Variants in FBXO22 observed in about 807,000 individuals in gnomAD.
FBXO22 encodes F-box protein 22.
In FBXO22, 13 loss-of-function variants were observed where a neutral mutation model predicts 37.2. The ratio of observed to expected loss-of-function variants is 0.35; its 90% CI spans 0.23 to 0.56. The LOEUF (loss-of-function observed/expected upper bound fraction) is 0.56, where lower values mean the gene tolerates loss of function less well. FBXO22 is among the 20% of genes least tolerant of loss of function. The pLI is 0.87. For missense variants in FBXO22, 446 were observed against 509.9 expected, an observed-to-expected ratio of 0.87 and a Z score of 1.21; for synonymous variants, 189 against 189.1, an observed-to-expected ratio of 1.00 and a Z score of 0.00.
chr15:75,912,555 A>G (rs976593606), intron 2 of FBXO22, among the ~76,000 whole-genome samples: 3 of 152,124 alleles, frequency 2.0e-5, no homozygotes, highest in Non-Finnish European at 4.4e-5. Flanking sequence ...GTTTATTTGC[A>G]TAGAGGTGTT....
chr15:75,904,826 C>CTTTTT (rs3991408), intron 2 of FBXO22, among the ~76,000 whole-genome samples, 197 bp downstream of exon 2: 5 of 136,116 alleles, frequency 3.7e-5, no homozygotes, highest in Non-Finnish European at 6.2e-5. Flanking sequence ...AATGTTGGGC[C>CTTTTT]TTTTTTTTTT....
Position 75,904,616 on chromosome 15 carries a change from C to A in FBXO22, c.266C>A (p.Ala89Glu). Residue 89 changes from alanine to glutamate, a missense_variant, in exon 2 of 7, where the codon GCA becomes GAA. Ala to Glu is a moderately radical substitution (Grantham distance 107). Coordinates refer to ENST00000308275, the MANE Select transcript of FBXO22 (RefSeq NM_147188.3). ...GGGCATTGCTTGGTTCGCGTGGTAG[C>A]AGAGGAGCTTGAGGCAAGTAGCAAG... ...LEGHCLVRVVAEELENVRILP... is the reference protein window; with the variant it reads ...LEGHCLVRVVEEELENVRILP... 1 of 1,608,608 alleles carries A rather than the reference C, an allele frequency of 6.2e-7. No individual in the cohort carries two copies. Among genetic ancestry groups the A allele is most frequent in the Admixed American group, 1.7e-5 (1 of 59,378 alleles).
intron 6 of FBXO22, 123 bp downstream of exon 6, chr15:75,930,172 A>AT (rs1467733591): frequency 7.8e-6 from 12 of 1,529,422 alleles, no homozygotes; most frequent in Non-Finnish European, 9.7e-6. Context: ...AGTTCATTCC[A>AT]TTTTGTAGTA....
chr15:75,904,175 G>A (rs563093265), intron 1 of FBXO22, 72 bp downstream of exon 1: 12 of 1,465,850 alleles, frequency 8.2e-6, no homozygotes, highest in African/African-American at 4.2e-5. Context: ...CTGGCGGGGT[G>A]GGGGGAGAGA....
chr15:75,913,402 C>T (rs1421167849), intron 3 of FBXO22, 112 bp downstream of exon 3: 1 of 675,758 alleles, frequency 1.5e-6, no homozygotes, highest in East Asian at 2.7e-5. Flanking sequence ...GGCTCTGGGA[C>T]TGCCACCTGT....
At chr15:75,927,552 G>A (rs1208776072) in intron 5 of FBXO22, among the ~76,000 whole-genome samples, 1 of 152,096 alleles carries the variant, frequency 6.6e-6, no homozygotes, top group Non-Finnish European at 1.5e-5. Context: ...TAAAACTCTA[G>A]ACTTGATCTC....
At chr15:75,930,941 G>C in intron 6 of FBXO22, 1 of 838,448 alleles carries the variant, frequency 1.2e-6, no homozygotes, top group Non-Finnish European at 1.4e-6. Flanking sequence ...GCTAGATCTG[G>C]GAAAATAGCT....
rs370981926 is a variant in FBXO22 at position 75,941,962 on chromosome 15, T to C, written c.*8860T>C. 24 of 38,806 alleles carry C rather than the reference T, an allele frequency of 6.2e-4. No homozygotes were observed. The highest frequency in any genetic ancestry group is 1.5e-3 in the African/African-American group (18 of 11,914). The allele number at this position is 38,806 out of a possible 1,614,324, so 2.4% of individuals were successfully genotyped here. On this transcript the variant is annotated 3_prime_UTR_variant, in exon 7 of 7. Coordinates refer to ENST00000308275, the MANE Select transcript of FBXO22 (RefSeq NM_147188.3). ...CACCAAAAAAAAAAAAAAAAAAAAA[T>C]ATGGCCTAGCTTTTTTTTTTTTTTT... is the stretch of plus-strand genomic sequence containing the variant.
intron 5 of FBXO22, 109 bp downstream of exon 5, chr15:75,917,503 T>A: frequency 2.7e-6 from 2 of 739,114 alleles, no homozygotes; most frequent in Non-Finnish European, 4.3e-6. Context: ...GAATCTGAAT[T>A]AAGTACACCT....
Position 75,940,526 on chromosome 15 carries a change from T to G in FBXO22, c.*7424T>G, listed in dbSNP as rs1423979140. 1 of 149,900 alleles carries G rather than the reference T, an allele frequency of 6.7e-6. No individual in the cohort carries two copies. Among genetic ancestry groups the G allele is most frequent in the East Asian group, 1.9e-4 (1 of 5,130 alleles). The allele number at this position is 149,900 out of a possible 1,614,324, so 9.3% of individuals were successfully genotyped here. ...ATGTGGAATCTGAAGGGATCCCAAA[T>G]AGCCAAGTCAGTCTTGAGAAAGAAG... is the stretch of plus-strand genomic sequence containing the variant. On this transcript the variant is annotated 3_prime_UTR_variant, in exon 7 of 7. Transcript: ENST00000308275.
rs150713293 is a variant in FBXO22 at position 75,921,805 on chromosome 15, C to T, written c.628+4411C>T. ...AAGCTTTTTGTTAAAAACTAAAACA[C>T]AGTCACACACATTAGCCTAGGCCTA... On this transcript the variant is annotated intron_variant, in intron 5 of 6. Coordinates refer to ENST00000308275, the MANE Select transcript of FBXO22 (RefSeq NM_147188.3). Among the ~76,000 whole-genome samples the T allele has an allele frequency of 3.7e-3, 563 of 151,928 alleles. 2 individuals carry two copies. Among genetic ancestry groups the T allele is most frequent in the Non-Finnish European group, 4.5e-3 (303 of 67,996 alleles).
intron 6 of FBXO22, chr15:75,930,874 C>T: frequency 1.0e-6 from 1 of 979,348 alleles, no homozygotes; most frequent in Non-Finnish European, 1.2e-6. Context: ...AGATCAGTAT[C>T]TATAAGAATA....
rs1489792181 is a variant in FBXO22 at position 75,933,188 on chromosome 15, A to G, written c.*86A>G. The G allele has an allele frequency of 1.7e-6, 2 of 1,147,942 alleles. No homozygotes were observed. Among genetic ancestry groups the G allele is most frequent in the Non-Finnish European group, 2.5e-6 (2 of 809,912 alleles). 71.1% of individuals were successfully genotyped at this position (1,147,942 alleles called of 1,614,324 possible). On this transcript the variant is annotated 3_prime_UTR_variant, in exon 7 of 7. Transcript: ENST00000308275. ...ACTTGGGCCATGTGTATTTCAAACA[A>G]AAATAACTTTAGATATATCTTTTTT...
chr15:75,929,479 C>T (rs1169906006), intron 5 of FBXO22, among the ~76,000 whole-genome samples: 1 of 151,606 alleles, frequency 6.6e-6, no homozygotes, highest in Non-Finnish European at 1.5e-5. Flanking sequence ...TCTGTAAATT[C>T]TCACTGCTGC....
Position 75,940,689 on chromosome 15 carries a change from A to T in FBXO22, c.*7587A>T, listed in dbSNP as rs1478601765. 6.6e-6 allele frequency: 1 copy of T among 152,136 alleles called. No individual in the cohort carries two copies. The highest frequency in any genetic ancestry group is 2.4e-5 in the African/African-American group (1 of 41,442). The allele number at this position is 152,136 out of a possible 1,614,324, so 9.4% of individuals were successfully genotyped here. A position where few individuals can be genotyped will look rare whatever the true frequency, so the allele number is the denominator to read the frequency against. On this transcript the variant is annotated 3_prime_UTR_variant, in exon 7 of 7. Coordinates refer to ENST00000308275, the MANE Select transcript of FBXO22 (RefSeq NM_147188.3). The stretch of plus-strand genomic sequence containing the variant: ...GGAGAACCTAGAAATAAACCCTCTC[A>T]TATGTAGGTAAATGATTTTTGACAA...
intron 5 of FBXO22, among the ~76,000 whole-genome samples, chr15:75,927,635 C>A (rs1180464596): frequency 1.3e-5 from 2 of 152,086 alleles, no homozygotes; most frequent in Non-Finnish European, 2.9e-5. Flanking sequence ...GTGGGCTAGT[C>A]TATAAGGGAA....
rs1355106961 is a variant in FBXO22 at position 75,942,222 on chromosome 15, C to G, written c.*9120C>G. The G allele has an allele frequency of 6.6e-6, 1 of 151,898 alleles. No individual in the cohort carries two copies. Among genetic ancestry groups the G allele is most frequent in the East Asian group, 1.9e-4 (1 of 5,162 alleles). 9.4% of individuals were successfully genotyped at this position (151,898 alleles called of 1,614,324 possible). ...GGTGGTGAAACTACTGTATACAATA[C>G]TATAATAGTGGATACATGACATTAT... On this transcript the variant is annotated 3_prime_UTR_variant, in exon 7 of 7. Coordinates refer to ENST00000308275, the MANE Select transcript of FBXO22 (RefSeq NM_147188.3).
rs1448697572 is a variant in FBXO22 at position 75,904,186 on chromosome 15, C to T, written c.140+83C>T. On this transcript the variant is annotated intron_variant, in intron 1 of 6. Transcript: ENST00000308275. Reference sequence around the variant, plus strand: ...CAGGCTGGCGGGGTGGGGGGAGAGACCCTTGGGACCCACCAGGGCCGTCCC... The same window carrying T: ...CAGGCTGGCGGGGTGGGGGGAGAGATCCTTGGGACCCACCAGGGCCGTCCC... 9.7e-6 allele frequency: 14 copies of T among 1,444,626 alleles called. No individual in the cohort carries two copies. In the Admixed American group the frequency reaches 2.0e-4, roughly 20 times the overall value. The allele number at this position is 1,444,626 out of a possible 1,614,324, so 89.5% of individuals were successfully genotyped here. A position where few individuals can be genotyped will look rare whatever the true frequency, so the allele number is the denominator to read the frequency against.
In FBXO22 at chr15:75,932,919, T is replaced by A; in HGVS notation, c.1029T>A (p.Asp343Glu). ...GAGCCAAGGGGAATGTTGAGGCTGA[T>A]GCATTTAGAAAGTTTTTTCCTAGTG... The part of the protein sequence containing the change: ...YYRAKGNVEA[D>E]AFRKFFPSVP... The change falls in exon 7 of 7, where the codon GAT becomes GAA. Residue 343 changes from aspartate (D) to glutamate (E), a missense_variant. Physicochemically the swap from Asp to Glu is conservative, Grantham distance 45. Coordinates refer to ENST00000308275, the MANE Select transcript of FBXO22 (RefSeq NM_147188.3). 1 of 1,614,258 alleles carries A rather than the reference T, an allele frequency of 6.2e-7. No homozygotes were observed.
Sources: allele counts gnomAD v4.1 joint callset (sites outside exome capture counted in the v4.1 genomes callset), GRCh38; gene constraint gnomAD v4.1.1; transcripts MANE v1.5; gene names NCBI Gene and HGNC (gene_info 2026-07-23, HGNC 2026-07-21).